Variants in CALN1 observed in about 807,000 individuals in gnomAD.
CALN1 encodes the protein calcium-binding protein 8.
Under a neutral mutation model 30.6 loss-of-function variants are expected in CALN1, and 17 were observed. The ratio of observed to expected loss-of-function variants is 0.56; its 90% CI spans 0.38 to 0.83. CALN1 has a LOEUF of 0.83. Ranked by LOEUF, CALN1 falls within the 40% of genes least tolerant of loss-of-function variation. The probability of loss-of-function intolerance (pLI) is 0.00; values close to 1 mark genes in which losing one functional copy is unlikely to be tolerated. For missense variants in CALN1, 291 were observed against 354.9 expected, an observed-to-expected ratio of 0.82 and a Z score of 1.45; for synonymous variants, 156 against 131.4, an observed-to-expected ratio of 1.19 and a Z score of -1.28.
rs112439011 is a variant in CALN1 at position 71,793,868 on chromosome 7, C to A, written c.659-5966G>T. Among the ~76,000 whole-genome samples the A allele has an allele frequency of 3.0e-3, 412 of 137,956 alleles. 4 individuals are homozygous for A. Among genetic ancestry groups the A allele is most frequent in the African/African-American group, 0.012 (389 of 32,276 alleles). The allele number at this position is 137,956 out of a possible 152,430, so 90.5% of individuals were successfully genotyped here. A position where few individuals can be genotyped will look rare whatever the true frequency, so the allele number is the denominator to read the frequency against. ...GACAGAGCAAGACTGTCTAAAAAAA[C>A]CAAAAAAAACAAAAAGAAACACATA... is the stretch of plus-strand genomic sequence containing the variant. On this transcript the variant is annotated intron_variant, in intron 6 of 6. Coordinates refer to ENST00000395275, the MANE Select transcript of CALN1 (RefSeq NM_031468.4).
At chr7:71,929,671 T>G (rs1439121485) in intron 5 of CALN1, among the ~76,000 whole-genome samples, 1 of 152,268 alleles carries the variant, frequency 6.6e-6, no homozygotes, top group Non-Finnish European at 1.5e-5. Context: ...TTATGTCCAC[T>G]TTTTGGCTAT....
chr7:72,191,269 C>T (rs17144373), intron 3 of CALN1, among the ~76,000 whole-genome samples: 37,704 of 151,830 alleles, frequency 0.25, 5,897 homozygotes, highest in East Asian at 0.68. Flanking sequence ...GCAATTTAGG[C>T]GGAAGCTACA....
At chr7:72,026,003 C>A (rs1525129) in intron 4 of CALN1, among the ~76,000 whole-genome samples, 13,218 of 152,164 alleles carry the variant, frequency 0.087, 659 homozygotes, top group African/African-American at 0.14. Flanking sequence ...TGAAGAGGGG[C>A]AGTCGGTGGC....
At chr7:72,404,927 T>C (rs1806598830) in intron 1 of CALN1, among the ~76,000 whole-genome samples, 1 of 152,220 alleles carries the variant, frequency 6.6e-6, no homozygotes, top group Non-Finnish European at 1.5e-5. Flanking sequence ...CATCAGCTAC[T>C]GGTGTGAATG....
intron 5 of CALN1, among the ~76,000 whole-genome samples, chr7:72,017,294 T>TG (rs766820048): frequency 1.4e-4 from 21 of 152,014 alleles, no homozygotes; most frequent in Non-Finnish European, 2.8e-4. Flanking sequence ...GAAAGGTTTC[T>TG]GGGGAGTAGA....
At chr7:72,044,287 T>C (rs1227537439) in intron 4 of CALN1, among the ~76,000 whole-genome samples, 1 of 152,136 alleles carries the variant, frequency 6.6e-6, no homozygotes, top group African/African-American at 2.4e-5. Flanking sequence ...CTGAAGCCCA[T>C]TTCTGGTCAT....
chr7:72,243,534 G>A (rs1794977901), intron 3 of CALN1, among the ~76,000 whole-genome samples: 1 of 152,030 alleles, frequency 6.6e-6, no homozygotes, highest in Non-Finnish European at 1.5e-5. Flanking sequence ...CAGTGTTGGG[G>A]ACTAAGAGAA....
chr7:71,934,128 G>A (rs1174313843), intron 5 of CALN1, among the ~76,000 whole-genome samples: 1 of 152,108 alleles, frequency 6.6e-6, no homozygotes, highest in Non-Finnish European at 1.5e-5. Context: ...GACAAAAGAG[G>A]GCTGCAGGCT....
intron 2 of CALN1, among the ~76,000 whole-genome samples, chr7:72,339,771 G>A (rs1011746665): frequency 1.3e-5 from 2 of 152,146 alleles, no homozygotes; most frequent in Admixed American, 6.5e-5. Flanking sequence ...TTGTGCAGGG[G>A]GAACTCCCAT....
At position 72,442,982 on chromosome 7, in the gene CALN1, TTTA is replaced by T. The variant is rs145272319; in HGVS notation, c.-226+4057_-226+4059del. On this transcript the variant is annotated intron_variant, in intron 1 of 6. Transcript: ENST00000395276. ...GGGTTGCACTTATTTAGGATTGCACTTTATTAAGGGTTGTGCTTATTTAGGATT... is the reference window on the plus strand; with the variant it reads ...GGGTTGCACTTATTTAGGATTGCACTTTAAGGGTTGTGCTTATTTAGGATT... Among the ~76,000 whole-genome samples, 1,364 of 152,264 alleles carry T rather than the reference TTTA, an allele frequency of 9.0e-3. 16 individuals carry two copies. Among genetic ancestry groups the T allele is most frequent in the African/African-American group, 0.031 (1,303 of 41,490 alleles).
intron 5 of CALN1, among the ~76,000 whole-genome samples, chr7:71,894,781 CTTAGT>C (rs1349522637): frequency 6.6e-6 from 1 of 152,168 alleles, no homozygotes; most frequent in Non-Finnish European, 1.5e-5. Flanking sequence ...TAAATCAACT[CTTAGT>C]TTAGTTTTCA....
intron 4 of CALN1, among the ~76,000 whole-genome samples, chr7:72,027,137 T>C (rs1341646260): frequency 6.6e-6 from 1 of 152,110 alleles, no homozygotes; most frequent in Non-Finnish European, 1.5e-5. Context: ...CTACAGTACA[T>C]AATACACAGT....
At chr7:72,390,523 T>C (rs979339759) in intron 2 of CALN1, among the ~76,000 whole-genome samples, 2 of 152,154 alleles carry the variant, frequency 1.3e-5, no homozygotes, top group Admixed American at 6.5e-5. Context: ...GGCCCAAGAA[T>C]AGAATTCAAG....
chr7:72,205,551 A>AAATATATACATATATAC, intron 3 of CALN1, among the ~76,000 whole-genome samples: 3 of 83,042 alleles, frequency 3.6e-5, no homozygotes, highest in South Asian at 9.7e-4. Context: ...GCAAAAAAAA[A>AAATATATACATATATAC]ATATATATAT....
chr7:72,458,316 T>A, the CALN1 span, among the ~76,000 whole-genome samples: 74 of 9,758 alleles, frequency 7.6e-3, no homozygotes, highest in African/African-American at 0.016. Context: ...ATAATATATT[T>A]TATAATATAT....
chr7:72,309,528 C>A (rs1799891783), intron 2 of CALN1, among the ~76,000 whole-genome samples: 1 of 151,998 alleles, frequency 6.6e-6, no homozygotes, highest in Non-Finnish European at 1.5e-5. Context: ...ACAAGGGTTA[C>A]ACGGGACTCA....
intron 2 of CALN1, among the ~76,000 whole-genome samples, chr7:72,398,128 T>A (rs1009299258): frequency 6.6e-6 from 1 of 152,076 alleles, no homozygotes; most frequent in East Asian, 1.9e-4. Flanking sequence ...GAAATAAAGA[T>A]GGCAAGCAAA....
At chr7:71,868,002 T>C (rs17424992) in intron 5 of CALN1, among the ~76,000 whole-genome samples, 26,991 of 152,222 alleles carry the variant, frequency 0.18, 2,792 homozygotes, top group Non-Finnish European at 0.23. Context: ...TTTATTTTAA[T>C]GTACGGTCTT....
chr7:72,301,840 C>CT (rs1799283239), intron 2 of CALN1, among the ~76,000 whole-genome samples: 1 of 152,212 alleles, frequency 6.6e-6, no homozygotes, highest in South Asian at 2.1e-4. Context: ...AAACCTGCCT[C>CT]TTATCACAGC....
Sources: gnomAD v4.1 joint callset for allele counts (sites outside exome capture counted in the v4.1 genomes callset) on GRCh38, gnomAD v4.1.1 for gene constraint, MANE v1.5 for transcripts, NCBI Gene and HGNC (gene_info 2026-07-23, HGNC 2026-07-21) for gene names.